ABCA13: variants seen among roughly 807,000 people sequenced by gnomAD.
ABCA13 encodes the protein ATP binding cassette subfamily A member 13, also known as ATP-binding cassette sub-family A member 13.
ABCA13 carries 476 observed loss-of-function variants against 478.7 expected under a neutral mutation model. The ratio of observed to expected loss-of-function variants is 0.99; its 90% CI spans 0.92 to 1.07. ABCA13 has a LOEUF of 1.07. ABCA13 is among the 50% of genes least tolerant of loss of function. ABCA13 has a pLI of 0.00. For missense variants in ABCA13, 6,060 were observed against 5,910.6 expected, an observed-to-expected ratio of 1.03 and a Z score of -0.83; for synonymous variants, 2,252 against 2,158.9, an observed-to-expected ratio of 1.04 and a Z score of -1.20.
intron 59 of ABCA13, among the ~76,000 whole-genome samples, chr7:48,630,405 A>G (rs769199545): frequency 6.6e-5 from 10 of 152,174 alleles, no homozygotes; most frequent in Non-Finnish European, 1.5e-4. Context: ...AAGTGTGAAC[A>G]TGTGGTATGT....
intron 43 of ABCA13, among the ~76,000 whole-genome samples, chr7:48,462,360 C>CGA (rs1826339152): frequency 2.0e-5 from 3 of 152,042 alleles, no homozygotes; most frequent in Admixed American, 1.3e-4. Context: ...TTGGAGCAGT[C>CGA]TATCTGAGTC....
At chr7:48,496,484 T>C (rs1207493271) in intron 48 of ABCA13, among the ~76,000 whole-genome samples, 1 of 152,174 alleles carries the variant, frequency 6.6e-6, no homozygotes, top group East Asian at 1.9e-4. Context: ...ACTCATGAGA[T>C]GAACAATAGT....
chr7:48,380,267 A>T (rs1814139138), intron 35 of ABCA13, among the ~76,000 whole-genome samples: 1 of 152,200 alleles, frequency 6.6e-6, no homozygotes, highest in Admixed American at 6.5e-5. Flanking sequence ...CTACTATTCA[A>T]GAATATCTGG....
chr7:48,511,267 C>A, intron 51 of ABCA13, 68 bp downstream of exon 51: 1 of 1,287,554 alleles, frequency 7.8e-7, no homozygotes, highest in Non-Finnish European at 1.1e-6. Context: ...CTCAGGATGG[C>A]TTTGAACCTG....
At chr7:48,589,869 A>G (rs1789549114) in intron 57 of ABCA13, among the ~76,000 whole-genome samples, 1 of 152,192 alleles carries the variant, frequency 6.6e-6, no homozygotes, top group Non-Finnish European at 1.5e-5. Flanking sequence ...GTCCTTCATC[A>G]GGTCCTTTTA....
intron 15 of ABCA13, among the ~76,000 whole-genome samples, chr7:48,257,434 T>C (rs1275222500): frequency 2.0e-5 from 3 of 152,156 alleles, no homozygotes; most frequent in African/African-American, 4.8e-5. Flanking sequence ...TTTGGCTGTG[T>C]GTTTTTCATC....
intron 57 of ABCA13, among the ~76,000 whole-genome samples, chr7:48,593,145 C>CT (rs200188540): frequency 2.7e-4 from 40 of 149,924 alleles, no homozygotes; most frequent in African/African-American, 8.5e-4. Flanking sequence ...GTTATTTATT[C>CT]TTTTTTTTCC....
intron 31 of ABCA13, among the ~76,000 whole-genome samples, chr7:48,355,069 A>G (rs942455537): frequency 2.1e-5 from 3 of 142,950 alleles, no homozygotes; most frequent in African/African-American, 7.5e-5. Context: ...ATAGGTAAAA[A>G]TCCCTGCTCT....
chr7:48,173,298 A>C (rs780299904), intron 1 of ABCA13, among the ~76,000 whole-genome samples: 1 of 152,200 alleles, frequency 6.6e-6, no homozygotes, highest in Non-Finnish European at 1.5e-5. Context: ...TGGATCCTAC[A>C]TTAGTATGTT....
chr7:48,464,681 A>G (rs556612292), intron 43 of ABCA13, among the ~76,000 whole-genome samples: 5 of 152,314 alleles, frequency 3.3e-5, no homozygotes, highest in Non-Finnish European at 5.9e-5. Flanking sequence ...AAATAATTGG[A>G]TGGAGATTAA....
intron 38 of ABCA13, among the ~76,000 whole-genome samples, chr7:48,400,088 T>G (rs1382402113): frequency 6.6e-6 from 1 of 152,000 alleles, no homozygotes; most frequent in Non-Finnish European, 1.5e-5. Context: ...CATCCCCACT[T>G]CACTTACTCT....
At chr7:48,344,799 G>A (rs1301418368) in intron 29 of ABCA13, among the ~76,000 whole-genome samples, 1 of 152,104 alleles carries the variant, frequency 6.6e-6, no homozygotes, top group Admixed American at 6.5e-5. Flanking sequence ...ATTTAGGTTG[G>A]GGAGTGTACT....
intron 55 of ABCA13, among the ~76,000 whole-genome samples, chr7:48,571,449 CTTT>C (rs1425028540): frequency 2.0e-5 from 3 of 150,804 alleles, no homozygotes; most frequent in African/African-American, 7.3e-5. Flanking sequence ...GTCATTTCTT[CTTT>C]ATTTCTTCTT....
At position 48,244,641 on chromosome 7, in the gene ABCA13, G is replaced by T. The variant is rs917987175; in HGVS notation, c.1328G>T (p.Arg443Ile). 1 of 1,612,862 alleles carries T rather than the reference G, an allele frequency of 6.2e-7. No individual in the cohort carries two copies. The highest frequency in any genetic ancestry group is 8.5e-7 in the Non-Finnish European group (1 of 1,179,222). The change falls in exon 11 of 62, where the codon AGA (arginine) becomes ATA (isoleucine). Residue 443 changes from arginine to isoleucine, a missense_variant. By Grantham distance (97) the Arg-to-Ile change is moderately conservative. Transcript: ENST00000435803. ...CTGCCCCAGTGGCCGGCACTGAAGA[G>T]ATTTCTTCAGCTTGATGGAGCTCTC... ...QNLPQWPALKRFLQLDGALRN... is the reference protein window; with the variant it reads ...QNLPQWPALKIFLQLDGALRN...
chr7:48,233,133 C>T (rs1269799779), intron 7 of ABCA13, among the ~76,000 whole-genome samples: 6 of 142,392 alleles, frequency 4.2e-5, no homozygotes, highest in Admixed American at 4.0e-4. Flanking sequence ...TTCCTGAAGT[C>T]CCCGTTGACT....
chr7:48,349,814 G>A (rs1042929518), intron 29 of ABCA13, among the ~76,000 whole-genome samples: 2 of 152,210 alleles, frequency 1.3e-5, no homozygotes, highest in Non-Finnish European at 2.9e-5. Flanking sequence ...TTGGAAAGTT[G>A]AGTGTTCAGG....
chr7:48,341,892 AT>A (rs1807271021), intron 29 of ABCA13, among the ~76,000 whole-genome samples: 1 of 83,472 alleles, frequency 1.2e-5, no homozygotes, highest in African/African-American at 4.2e-5. Flanking sequence ...ATATATATAT[AT>A]ATCTTTCTGA....
At chr7:48,323,082 T>C (rs1803743953) in intron 27 of ABCA13, among the ~76,000 whole-genome samples, 1 of 152,212 alleles carries the variant, frequency 6.6e-6, no homozygotes, top group Non-Finnish European at 1.5e-5. Flanking sequence ...AGTTTGTTCG[T>C]CCATTCACCC....
At chr7:48,377,547 T>C (rs563188756) in intron 35 of ABCA13, among the ~76,000 whole-genome samples, 4 of 152,170 alleles carry the variant, frequency 2.6e-5, no homozygotes, top group Non-Finnish European at 4.4e-5. Flanking sequence ...GGAGAGCTCA[T>C]GAATCATTTA....
Sources: gnomAD v4.1 joint callset for allele counts (sites outside exome capture counted in the v4.1 genomes callset) on GRCh38, gnomAD v4.1.1 for gene constraint, MANE v1.5 for transcripts, NCBI Gene and HGNC (gene_info 2026-07-23, HGNC 2026-07-21) for gene names.